The following TRDN variants were observed in gnomAD, a reference collection of about 807,000 sequenced individuals.
TRDN encodes triadin in skeletal muscle.
TRDN carries 161 observed loss-of-function variants against 149.7 expected under a neutral mutation model. The observed-to-expected ratio is 1.08, with a 90% CI of 0.95 to 1.23. The LOEUF is 1.23. Among genes scored for constraint, TRDN ranks in the 50% most tolerant of loss-of-function variants. The pLI, the probability that TRDN is intolerant of heterozygous loss-of-function variation, is 0.00. For synonymous variants in TRDN, 294 were observed against 250.5 expected (o/e 1.17, Z -1.64); for missense variants, 896 against 823.5 (o/e 1.09, Z -1.08).
At chr6:123,367,560 T>C (rs563570740) in intron 19 of TRDN, among the ~76,000 whole-genome samples, 1 of 152,304 alleles carries the variant, frequency 6.6e-6, no homozygotes, top group South Asian at 2.1e-4. Context: ...GTGACATACA[T>C]AACCTCTTCT....
chr6:123,493,292 G>T (rs979897703), intron 9 of TRDN, among the ~76,000 whole-genome samples: 10 of 151,980 alleles, frequency 6.6e-5, no homozygotes, highest in African/African-American at 2.4e-4. Flanking sequence ...AATTTATACT[G>T]GTTTATTAAG....
Position 123,408,036 on chromosome 6 carries a change from C to T in TRDN, c.1052-14359G>A, listed in dbSNP as rs577226273. On this transcript the variant is annotated intron_variant, in intron 12 of 40. Transcript: ENST00000334268. ...TGTGTGGCATTGGTGAATCATTCAA[C>T]AGCTCTCTTCCTCAGTTTCCCAAAT... is the stretch of plus-strand genomic sequence containing the variant. Among the ~76,000 whole-genome samples the T allele has an allele frequency of 1.5e-3, 228 of 152,318 alleles. 1 individual carries two copies. Among genetic ancestry groups the T allele is most frequent in the Non-Finnish European group, 2.9e-3 (194 of 68,024 alleles).
chr6:123,583,740 G>GA (rs1489546330), intron 1 of TRDN, among the ~76,000 whole-genome samples: 2 of 152,132 alleles, frequency 1.3e-5, no homozygotes, highest in Non-Finnish European at 2.9e-5. Flanking sequence ...CCTATCCAGT[G>GA]AAAGTGTCTA....
chr6:123,242,967 G>A (rs191119566), intron 38 of TRDN, among the ~76,000 whole-genome samples: 58 of 152,302 alleles, frequency 3.8e-4, no homozygotes, highest in African/African-American at 1.3e-3. Context: ...TGAGAGCTCA[G>A]CTCCAAAAGG....
At chr6:123,557,303 A>T (rs1014537863) in intron 2 of TRDN, among the ~76,000 whole-genome samples, 1 of 152,082 alleles carries the variant, frequency 6.6e-6, no homozygotes, top group African/African-American at 2.4e-5. Flanking sequence ...CTCCCTTGGG[A>T]GATCAATCTT....
intron 1 of TRDN, among the ~76,000 whole-genome samples, chr6:123,623,232 G>C (rs1785486421): frequency 6.6e-6 from 1 of 151,740 alleles, no homozygotes; most frequent in Non-Finnish European, 1.5e-5. Context: ...ACAAATAACT[G>C]ATTGGAGAAG....
intron 12 of TRDN, among the ~76,000 whole-genome samples, chr6:123,426,659 A>G (rs1290118578): frequency 6.6e-6 from 1 of 152,116 alleles, no homozygotes; most frequent in Non-Finnish European, 1.5e-5. Context: ...CAAGGCAATT[A>G]TTTTATATGC....
Position 123,512,343 on chromosome 6 carries a change from A to G in TRDN, c.570T>C (p.Ile190=). The change falls in exon 7 of 41, where the codon ATT becomes ATC. Residue 190 remains isoleucine, a synonymous_variant. Coordinates refer to ENST00000334268, the MANE Select transcript of TRDN (RefSeq NM_006073.4). ...TTGTTTCTGGTTTTTCTTTTTTCTC[A>G]ATTTTTTCCTTGTGAGTTGCTTAAA... ...PEKKATHKEK[I]EKKEKPETKT... 1 of 1,506,370 alleles carries G rather than the reference A, an allele frequency of 6.6e-7. No individual in the cohort carries two copies. Among genetic ancestry groups the G allele is most frequent in the South Asian group, 1.2e-5 (1 of 83,308 alleles). The allele number at this position is 1,506,370 out of a possible 1,614,324, so 93.3% of individuals were successfully genotyped here.
intron 4 of TRDN, among the ~76,000 whole-genome samples, chr6:123,532,273 T>G (rs1262198484): frequency 1.8e-5 from 2 of 113,364 alleles, no homozygotes; most frequent in Non-Finnish European, 4.2e-5. Context: ...TTGGTCATAT[T>G]GGGTGTGATA....
At chr6:123,548,022 A>C (rs1009936420) in intron 3 of TRDN, among the ~76,000 whole-genome samples, 1 of 152,024 alleles carries the variant, frequency 6.6e-6, no homozygotes, top group Admixed American at 6.6e-5. Context: ...GCTTTCTGCT[A>C]TTTGACTATA....
chr6:123,226,862 C>T (rs1775392529), intron 38 of TRDN, among the ~76,000 whole-genome samples: 2 of 151,638 alleles, frequency 1.3e-5, no homozygotes, highest in East Asian at 1.9e-4. Flanking sequence ...GAGTGACCTG[C>T]TTTGTCGGAC....
chr6:123,430,288 TAAC>T (rs1055979066), intron 12 of TRDN, among the ~76,000 whole-genome samples: 1 of 150,232 alleles, frequency 6.7e-6, no homozygotes, highest in African/African-American at 2.5e-5. Flanking sequence ...ATAATAATAA[TAAC>T]AATAAAACAG....
In TRDN at chr6:123,218,511, G is replaced by T; in HGVS notation, c.*90C>A. On this transcript the variant is annotated 3_prime_UTR_variant, in exon 41 of 41. Transcript: ENST00000334268. ...AAAATGTTTTCACAGAAATTCTCTG[G>T]GTTGCATATTCTTAATTGCCTGAAC... The T allele has an allele frequency of 6.9e-7, 1 of 1,439,304 alleles. No individual in the cohort carries two copies. The highest frequency in any genetic ancestry group is 9.3e-7 in the Non-Finnish European group (1 of 1,070,896). 89.2% of individuals were successfully genotyped at this position (1,439,304 alleles called of 1,614,324 possible). A position where few individuals can be genotyped will look rare whatever the true frequency, so the allele number is the denominator to read the frequency against.
chr6:123,229,914 AATCTT>A (rs1405658739), intron 38 of TRDN, among the ~76,000 whole-genome samples: 2 of 151,948 alleles, frequency 1.3e-5, no homozygotes, highest in African/African-American at 2.4e-5. Flanking sequence ...CTCAGCAAGC[AATCTT>A]ATCTTGGTTC....
In TRDN at chr6:123,232,181, A is replaced by G. The variant is rs568055140; in HGVS notation, c.1976-8050T>C. The stretch of plus-strand genomic sequence containing the variant: ...AATTCAACCTCTGGGGAAAAACAGC[A>G]GAAGCCCAGTACTGAGCAAATAGAC... On this transcript the variant is annotated intron_variant, in intron 38 of 40. Transcript: ENST00000334268. Among the ~76,000 whole-genome samples, 9 of 151,082 alleles carry G rather than the reference A, an allele frequency of 6.0e-5. No individual in the cohort carries two copies. The South Asian group carries it at 1.7e-3, about 28-fold the overall frequency.
intron 12 of TRDN, among the ~76,000 whole-genome samples, chr6:123,399,888 A>G (rs1772887890): frequency 6.6e-6 from 1 of 152,104 alleles, no homozygotes; most frequent in African/African-American, 2.4e-5. Context: ...CATTCTGACC[A>G]ACAAATTGGA....
chr6:123,340,526 G>T (rs1343914563), intron 21 of TRDN, among the ~76,000 whole-genome samples: 1 of 151,950 alleles, frequency 6.6e-6, no homozygotes, highest in Non-Finnish European at 1.5e-5. Context: ...AAAATTATCA[G>T]GCAGTTAAGA....
At chr6:123,400,287 G>A (rs1056553682) in intron 12 of TRDN, among the ~76,000 whole-genome samples, 2 of 150,788 alleles carry the variant, frequency 1.3e-5, no homozygotes, top group Non-Finnish European at 2.9e-5. Flanking sequence ...ATTAAATAAG[G>A]TCTAGTTGAC....
intron 34 of TRDN, among the ~76,000 whole-genome samples, chr6:123,260,026 T>C (rs1198766509): frequency 6.6e-6 from 1 of 151,886 alleles, no homozygotes; most frequent in Non-Finnish European, 1.5e-5. Context: ...CTCAAATTCC[T>C]GGTCTCAAGG....
Sources: gnomAD v4.1 joint callset for allele counts (sites outside exome capture counted in the v4.1 genomes callset) on GRCh38, gnomAD v4.1.1 for gene constraint, MANE v1.5 for transcripts, NCBI Gene and HGNC (gene_info 2026-07-23, HGNC 2026-07-21) for gene names.